The following FGFR2 variants were observed in gnomAD, a reference collection of about 807,000 sequenced individuals.
FGFR2 encodes the protein BEK fibroblast growth factor receptor.
In FGFR2, 19 loss-of-function variants were observed where a neutral mutation model predicts 95.9. The ratio of observed to expected loss-of-function variants is 0.20; its 90% CI spans 0.14 to 0.29. FGFR2 has a LOEUF of 0.29. FGFR2 is among the 10% of genes least tolerant of loss of function. FGFR2 has a pLI of 1.00. For missense variants in FGFR2, 707 were observed against 1,056.9 expected, an observed-to-expected ratio of 0.67 and a Z score of 4.59; for synonymous variants, 392 against 393.3, an observed-to-expected ratio of 1.00 and a Z score of 0.04.
At chr10:121,514,139 G>A (rs371369531) in intron 9 of FGFR2, among the ~76,000 whole-genome samples, 16 of 152,308 alleles carry the variant, frequency 1.1e-4, no homozygotes, top group Admixed American at 8.5e-4. Flanking sequence ...ATTTTAACAA[G>A]CACCCCGTAC....
chr10:121,496,713 T>C lies in FGFR2; in HGVS notation c.1682A>G (p.Tyr561Cys). ...LGACTQDGPL[Y>C]VIVEYASKGN... Reference sequence around the variant, plus strand: ...TTTAGAGGCATACTCAACTATGACATAGAGAGGCCCTGTTGAGGAAGAAGA... The same window carrying C: ...TTTAGAGGCATACTCAACTATGACACAGAGAGGCCCTGTTGAGGAAGAAGA... Residue 561 changes from tyrosine (Y) to cysteine (C), a missense_variant, in exon 13 of 18, where the codon TAT (tyrosine) becomes TGT (cysteine). Physicochemically the swap from Tyr to Cys is radical, Grantham distance 194. Coordinates refer to ENST00000358487, the MANE Select transcript of FGFR2 (RefSeq NM_000141.5). 6.2e-7 allele frequency: 1 copy of C among 1,611,658 alleles called. No homozygotes were observed. The highest frequency in any genetic ancestry group is 8.5e-7 in the Non-Finnish European group (1 of 1,179,942).
intron 2 of FGFR2, 140 bp from the exon 3 acceptor site, chr10:121,565,844 C>T: frequency 1.0e-6 from 1 of 963,670 alleles, no homozygotes; most frequent in Non-Finnish European, 1.6e-6. Flanking sequence ...CAGGCATCCA[C>T]CTCTCCCCAA....
In FGFR2 at chr10:121,552,227, A is replaced by C. The variant is rs541280020; in HGVS notation, c.455-768T>G. ...AAATACAAGTGATTTTTTAAAGTCA[A>C]GAAAAAAGTTTTAAATCACAAAGTA... On this transcript the variant is annotated intron_variant, in intron 4 of 17. Coordinates refer to ENST00000358487, the MANE Select transcript of FGFR2 (RefSeq NM_000141.5). Among the ~76,000 whole-genome samples, 12 of 152,360 alleles carry C rather than the reference A, an allele frequency of 7.9e-5. No individual in the cohort carries two copies. In the East Asian group the frequency reaches 1.5e-3, roughly 20 times the overall value.
In FGFR2 at chr10:121,483,916, C is replaced by T. The variant is rs566779117; in HGVS notation, c.2196-113G>A. 2.8e-5 allele frequency: 22 copies of T among 777,482 alleles called. No homozygotes were observed. In the South Asian group the frequency reaches 3.0e-4, roughly 11 times the overall value. 48.2% of individuals were successfully genotyped at this position (777,482 alleles called of 1,614,324 possible). On this transcript the variant is annotated intron_variant, in intron 16 of 17. Transcript: ENST00000358487. ...TGTAAATTAGGAAAATGCATCAGAA[C>T]CTTCCAAGCAACTAGATTAGGGGGT...
chr10:121,573,090 C>T (rs1176863810), intron 2 of FGFR2, among the ~76,000 whole-genome samples: 1 of 152,216 alleles, frequency 6.6e-6, no homozygotes, highest in African/African-American at 2.4e-5. Context: ...TAACACTTTA[C>T]GTTGCCAAAC....
intron 4 of FGFR2, among the ~76,000 whole-genome samples, chr10:121,555,573 G>A (rs1267412030): frequency 3.3e-5 from 5 of 152,112 alleles, no homozygotes; most frequent in African/African-American, 1.2e-4. Flanking sequence ...TAACCTCGAT[G>A]AGAGGTATGG....
intron 5 of FGFR2, among the ~76,000 whole-genome samples, chr10:121,543,801 T>C (rs935691483): frequency 6.6e-6 from 1 of 152,068 alleles, no homozygotes; most frequent in Non-Finnish European, 1.5e-5. Context: ...CAGAAACTCT[T>C]CCCTCTGCTC....
chr10:121,493,179 T>G (rs1589742651), intron 13 of FGFR2, among the ~76,000 whole-genome samples: 1 of 152,212 alleles, frequency 6.6e-6, no homozygotes, highest in Admixed American at 6.5e-5. Flanking sequence ...AGATGCTTTA[T>G]GTCAAATGCT....
At position 121,485,650 on chromosome 10, in the gene FGFR2, TC is replaced by T. The variant is rs2133804786; in HGVS notation, c.2058-119del. The T allele has an allele frequency of 2.4e-6, 3 of 1,242,612 alleles. No individual in the cohort carries two copies. The highest frequency in any genetic ancestry group is 1.3e-5 in the South Asian group (1 of 79,452). 77.0% of individuals were successfully genotyped at this position (1,242,612 alleles called of 1,614,324 possible). Reference sequence around the variant, plus strand: ...CTGAAGTTCAAAGACAAATGGGCCCTCCTGCAGTTCCTCCTATGTGCTCTTT... The same window carrying T: ...CTGAAGTTCAAAGACAAATGGGCCCTCTGCAGTTCCTCCTATGTGCTCTTT... On this transcript the variant is annotated intron_variant, in intron 15 of 17. Transcript: ENST00000358487. This position sits in a 1 kb window ranked among gnomAD's most constrained non-coding sequence, Gnocchi z 4.2.
chr10:121,544,171 G>C (rs1335410778), intron 5 of FGFR2, among the ~76,000 whole-genome samples: 1 of 152,122 alleles, frequency 6.6e-6, no homozygotes, highest in Admixed American at 6.6e-5. Flanking sequence ...TGTGGGGCCG[G>C]GCACAGTGGC....
At chr10:121,556,465 G>A (rs1482294680) in intron 4 of FGFR2, among the ~76,000 whole-genome samples, 1 of 148,080 alleles carries the variant, frequency 6.8e-6, no homozygotes, top group African/African-American at 2.6e-5. Flanking sequence ...ACGGCCCAAT[G>A]ATTTAAAGGA....
intron 2 of FGFR2, among the ~76,000 whole-genome samples, chr10:121,568,814 T>C (rs10510098): frequency 0.029 from 4,467 of 152,242 alleles, 171 homozygotes; most frequent in East Asian, 0.18. Context: ...GTATCTGAGC[T>C]GCTGGACTAC....
At chr10:121,577,176 T>TAGAGAGAGAGAGAGAGAG (rs1278087472) in intron 2 of FGFR2, among the ~76,000 whole-genome samples, 38 of 7,488 alleles carry the variant, frequency 5.1e-3, no homozygotes, top group Non-Finnish European at 6.9e-3. Context: ...TATATATATA[T>TAGAGAGAGAGAGAGAGAG]ATAGAGAGAG....
In FGFR2 at chr10:121,518,590, A is replaced by G. The variant is rs2134277569; in HGVS notation, c.940-1127T>C. 1.4e-6 allele frequency: 2 copies of G among 1,433,498 alleles called. No individual in the cohort carries two copies. Among genetic ancestry groups the G allele is most frequent in the South Asian group, 1.2e-5 (1 of 84,630 alleles). The allele number at this position is 1,433,498 out of a possible 1,614,324, so 88.8% of individuals were successfully genotyped here. ...ACCAAGGCCACAAGAGTTATCCTAT[A>G]AGCTGCCTGCAGTCTCCCAAAGCAC... On this transcript the variant is annotated intron_variant, in intron 7 of 17. Transcript: ENST00000358487. The surrounding 1 kb of genome is among the most constrained non-coding windows in gnomAD (Gnocchi z 4.0).
Position 121,487,419 on chromosome 10 carries a change from C to T in FGFR2, c.1992G>A (p.Arg664=), listed in dbSNP as rs748763422. 5.6e-6 allele frequency: 9 copies of T among 1,614,000 alleles called. No individual in the cohort carries two copies. In the East Asian group the frequency reaches 1.3e-4, roughly 24 times the overall value. ...IDYYKKTTNG[R]LPVKWMAPEA... ...CTGGAGCCATCCACTTGACTGGAAG[C>T]CGCCCCTGCAAATGTAGAGGAAAAT... Residue 664 remains arginine, a synonymous_variant, in exon 15 of 18, where the codon CGG becomes CGA. Transcript: ENST00000358487.
intron 2 of FGFR2, among the ~76,000 whole-genome samples, chr10:121,566,269 A>G (rs1047739975): frequency 6.6e-6 from 1 of 152,196 alleles, no homozygotes; most frequent in Non-Finnish European, 1.5e-5. Flanking sequence ...TCTCATGTTC[A>G]GATCAGTACT....
chr10:121,527,839 G>T (rs376657688), intron 6 of FGFR2: 3 of 148,742 alleles, frequency 2.0e-5, no homozygotes, highest in South Asian at 2.1e-4. Flanking sequence ...CCCTCCCGAG[G>T]AGCTGAGGTA....
chr10:121,593,587 G>T, intron 2 of FGFR2, 122 bp downstream of exon 2: 1 of 867,362 alleles, frequency 1.2e-6, no homozygotes, highest in Non-Finnish European at 1.9e-6. Context: ...AAGAGACCAC[G>T]ATCTGGTGCT....
intron 6 of FGFR2, among the ~76,000 whole-genome samples, chr10:121,530,942 T>G (rs776780708): frequency 6.6e-6 from 1 of 152,186 alleles, no homozygotes; most frequent in South Asian, 2.1e-4. Context: ...CACCTGAATC[T>G]CCAGGTAACC....
Sources: allele counts gnomAD v4.1 joint callset (sites outside exome capture counted in the v4.1 genomes callset), GRCh38; gene constraint gnomAD v4.1.1; non-coding constraint Gnocchi (gnomAD v3.1); transcripts MANE v1.5; gene names NCBI Gene and HGNC (gene_info 2026-07-23, HGNC 2026-07-21).